Variants in IFNGR1 observed in about 807,000 individuals in gnomAD.
IFNGR1 encodes AVP, type 2.
Under a neutral mutation model 35.4 loss-of-function variants are expected in IFNGR1, and 23 were observed. That is an observed-to-expected ratio of 0.65 (90% CI 0.47 to 0.92). IFNGR1 has a LOEUF of 0.92. IFNGR1 is among the 40% of genes least tolerant of loss of function. IFNGR1 has a pLI of 0.00. For missense variants in IFNGR1, 533 were observed against 583.4 expected, an observed-to-expected ratio of 0.91 and a Z score of 0.89; for synonymous variants, 199 against 209.5, an observed-to-expected ratio of 0.95 and a Z score of 0.43.
intron 1 of IFNGR1, among the ~76,000 whole-genome samples, chr6:137,210,602 G>C (rs992521539): frequency 1.3e-5 from 2 of 152,166 alleles, no homozygotes; most frequent in African/African-American, 4.8e-5. Flanking sequence ...AATTGTGAGA[G>C]GGACAGAAGT....
rs2114444885 is a variant in IFNGR1, at chr6:137,198,510, C to T, written c.991G>A (p.Val331Ile). The change falls in exon 7 of 7, where the codon GTT becomes ATT. Residue 331 changes from valine (V) to isoleucine (I), a missense_variant. Val to Ile is a conservative substitution (Grantham distance 29, BLOSUM62 3). Transcript: ENST00000367739. ...VCEEPLSPAT[V>I]PGMHTEDNPG... ...TTGTCTTCGGTATGCATGCCTGGAA[C>T]TGTTGCTGGAGACAACGGCTCTTCA... 1 of 1,614,154 alleles carries T rather than the reference C, an allele frequency of 6.2e-7. No individual in the cohort carries two copies. Among genetic ancestry groups the T allele is most frequent in the Non-Finnish European group, 8.5e-7 (1 of 1,180,018 alleles).
Position 137,198,417 on chromosome 6 carries a change from T to C in IFNGR1, c.1084A>G (p.Ile362Val). 1.2e-6 allele frequency: 2 copies of C among 1,614,170 alleles called. No individual in the cohort carries two copies. Among genetic ancestry groups the C allele is most frequent in the Non-Finnish European group, 1.7e-6 (2 of 1,180,026 alleles). The change falls in exon 7 of 7, where the codon ATT becomes GTT. Residue 362 changes from isoleucine to valine, a missense_variant. Ile to Val is a conservative substitution (Grantham distance 29). Transcript: ENST00000367739. ...TGGCTGCCCGGGACCACGTCAGGAA[T>C]ATTTTCTTCAGTAGTCACCACTTCT... ...ITEVVTTEENIPDVVPGSHLT... is the reference protein window; with the variant it reads ...ITEVVTTEENVPDVVPGSHLT...
intron 1 of IFNGR1, among the ~76,000 whole-genome samples, chr6:137,209,300 A>T (rs1404331936): frequency 6.6e-6 from 1 of 151,936 alleles, no homozygotes; most frequent in African/African-American, 2.4e-5. Flanking sequence ...ACTTTGGGAG[A>T]CTGTTTGGAA....
At chr6:137,198,706 C>A (rs1779163494) in intron 6 of IFNGR1, 67 bp from the exon 7 acceptor site, 2 of 1,288,870 alleles carry the variant, frequency 1.6e-6, no homozygotes, top group Admixed American at 1.7e-5. Context: ...TCAAAAAAAA[C>A]AAAGGTCTGA....
chr6:137,209,430 C>G (rs1180162337), intron 1 of IFNGR1, among the ~76,000 whole-genome samples: 1 of 152,078 alleles, frequency 6.6e-6, no homozygotes, highest in Non-Finnish European at 1.5e-5. Context: ...TTGGAATTCC[C>G]ACGTGTTATG....
At chr6:137,218,704 C>A (rs1477733087) in intron 1 of IFNGR1, 2 of 352,186 alleles carry the variant, frequency 5.7e-6, no homozygotes, top group Middle Eastern at 1.0e-3. Context: ...GAGATCCGTT[C>A]TGAGAAATGG....
chr6:137,204,596 ATTGT>A, intron 3 of IFNGR1, 92 bp from the exon 4 acceptor site: 1 of 1,079,380 alleles, frequency 9.3e-7, no homozygotes, highest in Non-Finnish European at 1.4e-6. Context: ...CAATCAACCT[ATTGT>A]TTTTGTTCTG....
At chr6:137,218,313 A>G in intron 1 of IFNGR1, 1 of 430,420 alleles carries the variant, frequency 2.3e-6, no homozygotes, top group Non-Finnish European at 4.6e-6. Context: ...GAAAAGGTTT[A>G]CTGTTTTCTC....
At chr6:137,210,639 GATA>G (rs1473037902) in intron 1 of IFNGR1, among the ~76,000 whole-genome samples, 1 of 152,182 alleles carries the variant, frequency 6.6e-6, no homozygotes, top group Non-Finnish European at 1.5e-5. Flanking sequence ...TGCCTTGGAT[GATA>G]ATGATGATGA....
intron 1 of IFNGR1, among the ~76,000 whole-genome samples, chr6:137,212,195 A>G (rs1281481020): frequency 6.6e-6 from 1 of 152,172 alleles, no homozygotes; most frequent in Non-Finnish European, 1.5e-5. Context: ...TTCTGCCACT[A>G]CATAGCAAGG....
intron 5 of IFNGR1, among the ~76,000 whole-genome samples, chr6:137,203,146 A>G (rs1416728351): frequency 1.3e-5 from 2 of 152,198 alleles, no homozygotes; most frequent in Non-Finnish European, 2.9e-5. Context: ...CAATCCCCAT[A>G]AAGAACATTT....
chr6:137,205,785 C>T (rs1376794931), intron 3 of IFNGR1, among the ~76,000 whole-genome samples: 1 of 152,090 alleles, frequency 6.6e-6, no homozygotes, highest in Non-Finnish European at 1.5e-5. Context: ...GGTTGAGTAT[C>T]CCATATCCAA....
Position 137,206,199 on chromosome 6 carries a change from C to G in IFNGR1, c.310G>C (p.Ala104Pro). 6.2e-7 allele frequency: 1 copy of G among 1,614,088 alleles called. No individual in the cohort carries two copies. The highest frequency in any genetic ancestry group is 8.5e-7 in the Non-Finnish European group (1 of 1,179,940). The change falls in exon 3 of 7, where the codon GCC becomes CCC. Residue 104 changes from alanine (A) to proline (P), a missense_variant. By Grantham distance (27) the Ala-to-Pro change is conservative. Coordinates refer to ENST00000367739, the MANE Select transcript of IFNGR1 (RefSeq NM_000416.3). ...PSNSLWVRVKARVGQKESAYA... is the reference protein window; with the variant it reads ...PSNSLWVRVKPRVGQKESAYA... ...GCAGATTCTTTTTGTCCAACCCTGG[C>G]TTTAACTCTGACCCAAAGAGAATTT... is the stretch of plus-strand genomic sequence containing the variant.
At chr6:137,204,578 G>T in intron 3 of IFNGR1, 74 bp from the exon 4 acceptor site, 1 of 1,209,956 alleles carries the variant, frequency 8.3e-7, no homozygotes, top group Non-Finnish European at 1.2e-6. Flanking sequence ...AAAATTACCA[G>T]AATCTATCAA....
chr6:137,215,384 A>C, intron 1 of IFNGR1: 1 of 1,485,750 alleles, frequency 6.7e-7, no homozygotes, highest in Non-Finnish European at 9.1e-7. Flanking sequence ...GCCACTGCAA[A>C]AGTTGAACAA....
intron 1 of IFNGR1, among the ~76,000 whole-genome samples, chr6:137,208,816 C>T (rs1779509964): frequency 6.6e-6 from 1 of 152,196 alleles, no homozygotes; most frequent in South Asian, 2.1e-4. Context: ...TACTGGGGCA[C>T]TGCCTGGTAG....
Position 137,204,394 on chromosome 6 carries a change from C to T in IFNGR1, c.484G>A (p.Asp162Asn). 1 of 1,613,978 alleles carries T rather than the reference C, an allele frequency of 6.2e-7. No homozygotes were observed. Among genetic ancestry groups the T allele is most frequent in the Non-Finnish European group, 8.5e-7 (1 of 1,179,856 alleles). Residue 162 changes from aspartate (D) to asparagine (N), a missense_variant, in exon 4 of 7, where the codon GAT becomes AAT. Coordinates refer to ENST00000367739, the MANE Select transcript of IFNGR1 (RefSeq NM_000416.3). ...VNGDEQEVDY[D>N]PETTCYIRVY... The stretch of plus-strand genomic sequence containing the variant: ...CTAATGTAACAGGTAGTTTCGGGAT[C>T]ATAATCGACTTCCTGCTCGTCTCCA...
chr6:137,214,515 CAT>C (rs1191870230), intron 1 of IFNGR1, among the ~76,000 whole-genome samples: 2 of 152,202 alleles, frequency 1.3e-5, no homozygotes, highest in Non-Finnish European at 2.9e-5. Context: ...AGGCATAACA[CAT>C]AGTGGCCTGC....
rs544574664 is a variant in IFNGR1 at position 137,199,310 on chromosome 6, A to G, written c.862-671T>C. Among the ~76,000 whole-genome samples, 240 of 133,368 alleles carry G rather than the reference A, an allele frequency of 1.8e-3. 2 individuals are homozygous for G. Among genetic ancestry groups the G allele is most frequent in the African/African-American group, 6.4e-3 (229 of 35,854 alleles). 87.5% of individuals were successfully genotyped at this position (133,368 alleles called of 152,430 possible). A position where few individuals can be genotyped will look rare whatever the true frequency, so the allele number is the denominator to read the frequency against. On this transcript the variant is annotated intron_variant, in intron 6 of 6. Coordinates refer to ENST00000367739, the MANE Select transcript of IFNGR1 (RefSeq NM_000416.3). The stretch of plus-strand genomic sequence containing the variant: ...TATATGAAAAATATAATTAATATAT[A>G]TTATATAATATATAATTTATAATAT...
Sources: gnomAD v4.1 joint callset for allele counts (sites outside exome capture counted in the v4.1 genomes callset) on GRCh38, gnomAD v4.1.1 for gene constraint, MANE v1.5 for transcripts, NCBI Gene and HGNC (gene_info 2026-07-23, HGNC 2026-07-21) for gene names.